DET1: variants seen among roughly 807,000 people sequenced by gnomAD.
DET1 encodes the protein DET1 homolog.
In DET1, 22 loss-of-function variants were observed where a neutral mutation model predicts 43.7. That is an observed-to-expected ratio of 0.50 (90% CI 0.36 to 0.72). DET1 has a LOEUF of 0.72. DET1 is among the 30% of genes least tolerant of loss of function. The pLI is 0.00. For missense variants in DET1, 713 were observed against 713.3 expected (o/e 1.00, Z 0.00); for synonymous variants, 315 against 266.2 (o/e 1.18, Z -1.79).
At chr15:88,538,126 G>A (rs2056999746) in intron 1 of DET1, among the ~76,000 whole-genome samples, 1 of 152,114 alleles carries the variant, frequency 6.6e-6, no homozygotes, top group African/African-American at 2.4e-5. Context: ...TGACTGAATT[G>A]GGACACTTGT....
chr15:88,511,032 A>G (rs908811687), downstream of DET1, among the ~76,000 whole-genome samples: 2 of 152,046 alleles, frequency 1.3e-5, no homozygotes, highest in Admixed American at 1.3e-4. Flanking sequence ...TCAGCCTCCC[A>G]AAGTGCTGGG....
chr15:88,517,633 A>AAC (rs1176352606), intron 3 of DET1, among the ~76,000 whole-genome samples: 9 of 152,204 alleles, frequency 5.9e-5, no homozygotes, highest in African/African-American at 1.9e-4. Flanking sequence ...ACTGGGGAAA[A>AAC]AGGTCAAGAA....
chr15:88,537,501 C>A (rs926288591), intron 1 of DET1, among the ~76,000 whole-genome samples: 2 of 152,156 alleles, frequency 1.3e-5, no homozygotes, highest in Non-Finnish European at 2.9e-5. Context: ...ACACCTGACC[C>A]CTACCTCCCA....
At chr15:88,513,838 C>T (rs571700393) in intron 4 of DET1, among the ~76,000 whole-genome samples, 77 of 122,994 alleles carry the variant, frequency 6.3e-4, no homozygotes, top group Admixed American at 1.6e-3. Context: ...CTCGCTCTGT[C>T]GCCCAGGCTG....
At chr15:88,521,493 C>T (rs2056488869) in intron 3 of DET1, among the ~76,000 whole-genome samples, 1 of 152,316 alleles carries the variant, frequency 6.6e-6, no homozygotes, top group South Asian at 2.1e-4. Context: ...TTATCATTAT[C>T]CTCAAGACTC....
At chr15:88,537,914 G>C (rs892426706) in intron 1 of DET1, among the ~76,000 whole-genome samples, 5 of 152,180 alleles carry the variant, frequency 3.3e-5, no homozygotes, top group Non-Finnish European at 5.9e-5. Context: ...ATTACATTTT[G>C]TCTTCTCCAT....
Position 88,512,631 on chromosome 15 carries a change from G to C in DET1, c.*320C>G, listed in dbSNP as rs1288060136. 1.9e-6 allele frequency: 2 copies of C among 1,075,790 alleles called. No homozygotes were observed. The highest frequency in any genetic ancestry group is 4.2e-5 in the South Asian group (1 of 23,840). The allele number at this position is 1,075,790 out of a possible 1,614,324, so 66.6% of individuals were successfully genotyped here. On this transcript the variant is annotated 3_prime_UTR_variant, in exon 5 of 5. Transcript: ENST00000268148. Reference sequence around the variant, plus strand: ...ATAATGCCGAAGAAGTGACATGAAGGGGATAAAAGTCTAATGCTTTCATCT... The same window carrying C: ...ATAATGCCGAAGAAGTGACATGAAGCGGATAAAAGTCTAATGCTTTCATCT...
chr15:88,531,587 C>T lies in DET1; in HGVS notation c.119G>A (p.Arg40Gln), dbSNP rs772893746. ...GKAGTHWHQV[R>Q]VFHQNVFPNF... The stretch of plus-strand genomic sequence containing the variant: ...GGGGAAGACATTCTGATGGAACACT[C>T]GGACTTGGTGCCAGTGGGTACCTGC... The change falls in exon 2 of 5, where the codon CGA (arginine) becomes CAA (glutamine). Residue 40 changes from arginine to glutamine, a missense_variant. Physicochemically the swap from Arg to Gln is conservative, Grantham distance 43. Coordinates refer to ENST00000268148, the MANE Select transcript of DET1 (RefSeq NM_001144074.3). The surrounding 1 kb of genome is among the most constrained non-coding windows in gnomAD (Gnocchi z 6.2). The T allele has an allele frequency of 1.5e-5, 24 of 1,614,038 alleles. No homozygotes were observed. Among genetic ancestry groups the T allele is most frequent in the East Asian group, 2.2e-5 (1 of 44,882 alleles).
At chr15:88,540,349 G>T (rs2057073303) in intron 1 of DET1, among the ~76,000 whole-genome samples, 1 of 151,724 alleles carries the variant, frequency 6.6e-6, no homozygotes, top group Non-Finnish European at 1.5e-5. Flanking sequence ...TGATTTTTCT[G>T]TTCTTTCTGG....
intron 3 of DET1, among the ~76,000 whole-genome samples, chr15:88,525,697 T>C (rs1373861594): frequency 6.6e-6 from 1 of 152,186 alleles, no homozygotes; most frequent in African/African-American, 2.4e-5. Context: ...GGTCTTGCTC[T>C]GTCACCCAGG....
Position 88,512,600 on chromosome 15 carries a change from CA to C in DET1, c.*350del. The C allele has an allele frequency of 9.7e-7, 1 of 1,027,220 alleles. No homozygotes were observed. 63.6% of individuals were successfully genotyped at this position (1,027,220 alleles called of 1,614,324 possible). A position where few individuals can be genotyped will look rare whatever the true frequency, so the allele number is the denominator to read the frequency against. ...AACAAGATTTAACTGCTTTCAGATG[CA>C]AACCATAATGCCGAAGAAGTGACAT... On this transcript the variant is annotated 3_prime_UTR_variant, in exon 5 of 5. Coordinates refer to ENST00000268148, the MANE Select transcript of DET1 (RefSeq NM_001144074.3).
At chr15:88,520,783 A>C (rs1339084462) in intron 3 of DET1, among the ~76,000 whole-genome samples, 1 of 152,236 alleles carries the variant, frequency 6.6e-6, no homozygotes, top group Non-Finnish European at 1.5e-5. Flanking sequence ...ATCACAGAGG[A>C]CTTGGTATGT....
In DET1 at chr15:88,528,997, G is replaced by A. The variant is rs542696667; in HGVS notation, c.1084-1211C>T. Reference sequence around the variant, plus strand: ...TGGAACCTATCAAATTAAACTGGAGGAGGAGAGCAAAGGACAACTGGGGCA... The same window carrying A: ...TGGAACCTATCAAATTAAACTGGAGAAGGAGAGCAAAGGACAACTGGGGCA... On this transcript the variant is annotated intron_variant, in intron 2 of 4. Coordinates refer to ENST00000268148, the MANE Select transcript of DET1 (RefSeq NM_001144074.3). Among the ~76,000 whole-genome samples, 7 of 152,284 alleles carry A rather than the reference G, an allele frequency of 4.6e-5. No homozygotes were observed. In the South Asian group the frequency reaches 1.0e-3, roughly 23 times the overall value.
intron 3 of DET1, among the ~76,000 whole-genome samples, chr15:88,522,433 C>CT (rs2142280561): frequency 6.7e-6 from 1 of 150,034 alleles, no homozygotes; most frequent in African/African-American, 2.5e-5. Context: ...ATTTACTCTA[C>CT]TTTTTTGGAG....
At position 88,512,552 on chromosome 15, in the gene DET1, G is replaced by T. The variant is rs1029471403; in HGVS notation, c.*399C>A. ...CCGTGCTTATGAGCTAAATGGAAAG[G>T]ATGTATGTCATTCTCATCAGTAAAC... On this transcript the variant is annotated 3_prime_UTR_variant, in exon 5 of 5. Coordinates refer to ENST00000268148, the MANE Select transcript of DET1 (RefSeq NM_001144074.3). 7.0e-6 allele frequency: 7 copies of T among 996,884 alleles called. No individual in the cohort carries two copies. In the African/African-American group the frequency reaches 8.7e-5, roughly 12 times the overall value. 61.8% of individuals were successfully genotyped at this position (996,884 alleles called of 1,614,324 possible).
At chr15:88,529,398 A>G (rs2056752785) in intron 2 of DET1, among the ~76,000 whole-genome samples, 1 of 152,224 alleles carries the variant, frequency 6.6e-6, no homozygotes, top group South Asian at 2.1e-4. Context: ...ACTTGACTGC[A>G]GGATCCCATG....
intron 4 of DET1, among the ~76,000 whole-genome samples, chr15:88,514,095 G>A (rs1031535823): frequency 2.7e-5 from 4 of 150,020 alleles, no homozygotes; most frequent in Non-Finnish European, 5.9e-5. Flanking sequence ...CACCGCGCCC[G>A]GCCAGAATAA....
intron 1 of DET1, among the ~76,000 whole-genome samples, chr15:88,532,694 G>C (rs2056846875): frequency 6.6e-6 from 1 of 152,132 alleles, no homozygotes; most frequent in Non-Finnish European, 1.5e-5. Context: ...ATAGAAAAAG[G>C]ACAGTCACTT....
chr15:88,531,881 C>A lies in DET1; in HGVS notation c.-10-166G>T. 1.5e-6 allele frequency: 1 copy of A among 655,474 alleles called. No homozygotes were observed. The highest frequency in any genetic ancestry group is 2.8e-5 in the East Asian group (1 of 35,870). The allele number at this position is 655,474 out of a possible 1,614,324, so 40.6% of individuals were successfully genotyped here. A position where few individuals can be genotyped will look rare whatever the true frequency, so the allele number is the denominator to read the frequency against. On this transcript the variant is annotated intron_variant, in intron 1 of 4. Transcript: ENST00000268148. The surrounding 1 kb of genome is among the most constrained non-coding windows in gnomAD (Gnocchi z 6.2). ...CCCAGATTATACTGAGTAAGTGGTC[C>A]TAACATTTCTAAGTCTAGAAACAGG... is the stretch of plus-strand genomic sequence containing the variant.
Sources: allele counts gnomAD v4.1 joint callset (sites outside exome capture counted in the v4.1 genomes callset), GRCh38; gene constraint gnomAD v4.1.1; non-coding constraint Gnocchi (gnomAD v3.1); transcripts MANE v1.5; gene names NCBI Gene and HGNC (gene_info 2026-07-23, HGNC 2026-07-21).